The following PTPRQ variants were observed in gnomAD, a reference collection of about 807,000 sequenced individuals.
PTPRQ encodes the protein phosphatidylinositol phosphatase PTPRQ.
A neutral mutation model predicts 246.0 loss-of-function variants in PTPRQ; 199 were observed. The observed-to-expected ratio is 0.81, with a 90% CI of 0.72 to 0.91. The LOEUF (loss-of-function observed/expected upper bound fraction) is 0.91, where lower values mean the gene tolerates loss of function less well. PTPRQ is among the 40% of genes least tolerant of loss of function. The probability of loss-of-function intolerance (pLI) is 0.00; values close to 1 mark genes in which losing one functional copy is unlikely to be tolerated. For missense variants in PTPRQ, 2,624 were observed against 2,528.4 expected (o/e 1.04, Z -0.81); for synonymous variants, 869 against 853.2 (o/e 1.02, Z -0.32).
intron 3 of PTPRQ, among the ~76,000 whole-genome samples, chr12:80,448,681 ATG>A (rs962389911): frequency 2.0e-5 from 3 of 149,618 alleles, no homozygotes; most frequent in African/African-American, 7.6e-5. Context: ...AATTTCATCT[ATG>A]TCCCTACAAA....
At chr12:80,675,469 C>T (rs573188170) in intron 43 of PTPRQ, among the ~76,000 whole-genome samples, 3 of 152,202 alleles carry the variant, frequency 2.0e-5, no homozygotes, top group African/African-American at 7.2e-5. Flanking sequence ...TAACATTTTC[C>T]TCCCATGTCC....
chr12:80,647,633 T>A (rs1266302469), intron 35 of PTPRQ, among the ~76,000 whole-genome samples: 1 of 152,180 alleles, frequency 6.6e-6, no homozygotes, highest in Non-Finnish European at 1.5e-5. Flanking sequence ...GACATTCTAT[T>A]TTCCCTTCCC....
chr12:80,641,833 C>A (rs945985075), intron 35 of PTPRQ, among the ~76,000 whole-genome samples: 2 of 151,876 alleles, frequency 1.3e-5, no homozygotes, highest in African/African-American at 4.8e-5. Flanking sequence ...TTTTCCTATT[C>A]TTTTTCTCCT....
intron 19 of PTPRQ, among the ~76,000 whole-genome samples, chr12:80,536,073 C>T (rs1306856003): frequency 6.6e-6 from 1 of 152,198 alleles, no homozygotes; most frequent in African/African-American, 2.4e-5. Context: ...CGCCACTGCA[C>T]TCCAGCCTGG....
chr12:80,594,098 G>A (rs898821689), intron 26 of PTPRQ, among the ~76,000 whole-genome samples: 2 of 152,056 alleles, frequency 1.3e-5, no homozygotes, highest in Non-Finnish European at 2.9e-5. Flanking sequence ...CTAAAAAGAA[G>A]AAAACCAAAT....
chr12:80,542,776 A>G lies in PTPRQ; in HGVS notation c.3768A>G (p.Ser1256=). 1 of 1,549,598 alleles carries G rather than the reference A, an allele frequency of 6.5e-7. No individual in the cohort carries two copies. Among genetic ancestry groups the G allele is most frequent in the Non-Finnish European group, 8.7e-7 (1 of 1,146,054 alleles). Residue 1256 remains serine, a synonymous_variant, in exon 23 of 45, where the codon TCA becomes TCG. Transcript: ENST00000644991. The part of the protein sequence containing the change: ...PQNLTLINCT[S]DFVWLKWSPS... Reference sequence around the variant, plus strand: ...ATTTGACTTTAATCAACTGTACTTCAGACTTTGTATGGCTGAAATGGAGCC... The same window carrying G: ...ATTTGACTTTAATCAACTGTACTTCGGACTTTGTATGGCTGAAATGGAGCC...
In PTPRQ at chr12:80,485,058, T is replaced by C. The variant is rs549322315; in HGVS notation, c.1359+453T>C. Reference sequence around the variant, plus strand: ...GGAAGCTAAATTTCTCAAAGCTGCCTCTTTTTTTTTTTCAAAGTACATTTG... The same window carrying C: ...GGAAGCTAAATTTCTCAAAGCTGCCCCTTTTTTTTTTTCAAAGTACATTTG... On this transcript the variant is annotated intron_variant, in intron 9 of 44. Coordinates refer to ENST00000644991, the MANE Select transcript of PTPRQ (RefSeq NM_001145026.2). Among the ~76,000 whole-genome samples, 5 of 151,954 alleles carry C rather than the reference T, an allele frequency of 3.3e-5. No homozygotes were observed. In the East Asian group the frequency reaches 9.7e-4, roughly 29 times the overall value.
rs189107491 is a variant in PTPRQ, at chr12:80,624,891, T to A, written c.5686+2757T>A. Among the ~76,000 whole-genome samples the A allele has an allele frequency of 1.3e-3, 204 of 152,234 alleles. 1 individual carries two copies. The highest frequency in any genetic ancestry group is 4.0e-3 in the Admixed American group (61 of 15,288). On this transcript the variant is annotated intron_variant, in intron 33 of 44. Coordinates refer to ENST00000644991, the MANE Select transcript of PTPRQ (RefSeq NM_001145026.2). ...ATACATCAACACTAACAATAGCCGA[T>A]GAACCAAAAAAAATTGTAAAACCAT... is the stretch of plus-strand genomic sequence containing the variant.
At chr12:80,511,044 T>A (rs1895111216) in intron 17 of PTPRQ, among the ~76,000 whole-genome samples, 1 of 152,106 alleles carries the variant, frequency 6.6e-6, no homozygotes, top group Admixed American at 6.5e-5. Context: ...GTAATGTAAA[T>A]CCTCTTTAGA....
intron 17 of PTPRQ, among the ~76,000 whole-genome samples, chr12:80,529,374 T>TAGATG (rs1376521191): frequency 2.6e-5 from 4 of 152,146 alleles, no homozygotes; most frequent in African/African-American, 9.6e-5. Flanking sequence ...TGAACAGGGA[T>TAGATG]AGATGTATCA....
chr12:80,588,025 G>T, intron 25 of PTPRQ, 104 bp from the exon 26 acceptor site: 1 of 1,205,774 alleles, frequency 8.3e-7, no homozygotes, highest in Non-Finnish European at 1.1e-6. Flanking sequence ...ATAGTAATTT[G>T]ACAGATCTCT....
intron 8 of PTPRQ, among the ~76,000 whole-genome samples, chr12:80,479,606 A>G (rs867959206): frequency 0.03 from 4,233 of 142,598 alleles, 243 homozygotes; most frequent in African/African-American, 0.11. Context: ...GTCAAGACCC[A>G]TCAGTGTGCT....
chr12:80,489,534 T>C (rs1894380509), intron 9 of PTPRQ, among the ~76,000 whole-genome samples: 1 of 152,062 alleles, frequency 6.6e-6, no homozygotes, highest in African/African-American at 2.4e-5. Flanking sequence ...CTTAATATCC[T>C]TAGTTTTTAT....
At chr12:80,654,931 T>A (rs1900383793) in intron 38 of PTPRQ, among the ~76,000 whole-genome samples, 1 of 152,042 alleles carries the variant, frequency 6.6e-6, no homozygotes, top group Non-Finnish European at 1.5e-5. Context: ...TATGTCTAAC[T>A]TACTTCCAAG....
At chr12:80,522,972 G>A (rs1229386254) in intron 17 of PTPRQ, among the ~76,000 whole-genome samples, 7 of 152,050 alleles carry the variant, frequency 4.6e-5, no homozygotes, top group Non-Finnish European at 7.4e-5. Context: ...GGTAGAATTC[G>A]GCTGTGAATT....
At chr12:80,632,859 G>C (rs552659767) in intron 34 of PTPRQ, among the ~76,000 whole-genome samples, 78 of 152,292 alleles carry the variant, frequency 5.1e-4, no homozygotes, top group African/African-American at 1.9e-3. Flanking sequence ...CTTGCTGAAT[G>C]GTGTAGGTGA....
At chr12:80,472,821 G>A (rs7980649) in intron 8 of PTPRQ, among the ~76,000 whole-genome samples, 26,785 of 152,006 alleles carry the variant, frequency 0.18, 2,550 homozygotes, top group Middle Eastern at 0.24. Context: ...ACTTTAAAAA[G>A]AATGTTTCCA....
intron 25 of PTPRQ, chr12:80,586,896 T>C (rs954582400): frequency 2.6e-5 from 4 of 152,170 alleles, no homozygotes; most frequent in Non-Finnish European, 4.4e-5. Context: ...AACCTAGAGA[T>C]TATTTGAATT....
chr12:80,538,123 T>A (rs1896044672), intron 19 of PTPRQ, among the ~76,000 whole-genome samples: 1 of 151,984 alleles, frequency 6.6e-6, no homozygotes, highest in Non-Finnish European at 1.5e-5. Flanking sequence ...AAAAAAAAAG[T>A]GTTAAATGAA....
Sources: gnomAD v4.1 joint callset for allele counts (sites outside exome capture counted in the v4.1 genomes callset) on GRCh38, gnomAD v4.1.1 for gene constraint, MANE v1.5 for transcripts, NCBI Gene and HGNC (gene_info 2026-07-23, HGNC 2026-07-21) for gene names.